ASTN2: variants seen among roughly 807,000 people sequenced by gnomAD.
The protein encoded by ASTN2 is astrotactin 2.
Under a neutral mutation model 139.8 loss-of-function variants are expected in ASTN2, and 54 were observed. The ratio of observed to expected loss-of-function variants is 0.39; its 90% CI spans 0.31 to 0.48. The LOEUF is 0.48. ASTN2 is among the 20% of genes least tolerant of loss of function. The pLI is 0.95. For synonymous variants in ASTN2, 756 were observed against 719.5 expected (o/e 1.05, Z -0.81); for missense variants, 1,565 against 1,725.1 (o/e 0.91, Z 1.64).
In ASTN2 at chr9:116,523,220, G is replaced by A. The variant is rs936255326; in HGVS notation, c.3356-35720C>T. Among the ~76,000 whole-genome samples, 9 of 148,502 alleles carry A rather than the reference G, an allele frequency of 6.1e-5. No individual in the cohort carries two copies. In the East Asian group the frequency reaches 7.9e-4, roughly 13 times the overall value. On this transcript the variant is annotated intron_variant, in intron 19 of 22. Coordinates refer to ENST00000313400, the MANE Select transcript of ASTN2 (RefSeq NM_001365068.1). Reference sequence around the variant, plus strand: ...TCAGAGACCTTTTTTTTTTTTTAACGACAGTTATAAGTGACAGAAGGCAGT... The same window carrying A: ...TCAGAGACCTTTTTTTTTTTTTAACAACAGTTATAAGTGACAGAAGGCAGT...
intron 4 of ASTN2, among the ~76,000 whole-genome samples, chr9:117,131,378 A>G (rs2132838160): frequency 6.6e-6 from 1 of 152,292 alleles, no homozygotes; most frequent in Middle Eastern, 3.4e-3. Context: ...CCGAATTCCA[A>G]CCTGACTCTG....
At position 116,572,924 on chromosome 9, in the gene ASTN2, C is replaced by G. The variant is rs562038648; in HGVS notation, c.3355+45400G>C. On this transcript the variant is annotated intron_variant, in intron 19 of 22. Coordinates refer to ENST00000313400, the MANE Select transcript of ASTN2 (RefSeq NM_001365068.1). The stretch of plus-strand genomic sequence containing the variant: ...AGAGGTACCCAGGACTTGTAATGCC[C>G]CAGGTGCGTGACTCTGACAGCCTCA... 4.6e-5 allele frequency among the ~76,000 whole-genome samples: 7 copies of G among 152,060 alleles called. No individual in the cohort carries two copies. The South Asian group carries it at 1.2e-3, about 27-fold the overall frequency.
intron 5 of ASTN2, among the ~76,000 whole-genome samples, chr9:117,063,542 G>A (rs570982895): frequency 5.3e-5 from 8 of 152,254 alleles, no homozygotes; most frequent in African/African-American, 1.9e-4. Context: ...GGCCTCCCCA[G>A]CCACATGGAA....
chr9:116,962,073 G>A (rs1835889342), intron 10 of ASTN2, among the ~76,000 whole-genome samples: 1 of 152,240 alleles, frequency 6.6e-6, no homozygotes. Flanking sequence ...TAGCACCATA[G>A]CCTGTACCAC....
intron 10 of ASTN2, among the ~76,000 whole-genome samples, chr9:116,915,452 T>G (rs990898920): frequency 6.6e-6 from 1 of 152,108 alleles, no homozygotes; most frequent in African/African-American, 2.4e-5. Flanking sequence ...CATATTTTGT[T>G]TTAATGAGGT....
chr9:116,805,847 T>A (rs1235634535), intron 12 of ASTN2, 27 bp from the exon 13 acceptor site: 2 of 1,605,128 alleles, frequency 1.2e-6, no homozygotes, highest in Non-Finnish European at 1.7e-6. Flanking sequence ...AGCTCAGAAT[T>A]AGCTTCACAT....
At chr9:117,003,954 G>GCGCA (rs1837279984) in intron 7 of ASTN2, among the ~76,000 whole-genome samples, 1 of 96,050 alleles carries the variant, frequency 1.0e-5, no homozygotes, top group African/African-American at 4.7e-5. Flanking sequence ...GCGCGCGCGC[G>GCGCA]TGTGTGTGTG....
chr9:117,379,996 C>T (rs1830224160), intron 1 of ASTN2, among the ~76,000 whole-genome samples: 1 of 151,910 alleles, frequency 6.6e-6, no homozygotes. Flanking sequence ...AGAATCAAGG[C>T]AAGAATCAGG....
chr9:116,613,951 T>C (rs1855694240), intron 19 of ASTN2, among the ~76,000 whole-genome samples: 1 of 152,202 alleles, frequency 6.6e-6, no homozygotes. Context: ...TGTTTGCAGA[T>C]GACATGATTG....
intron 16 of ASTN2, among the ~76,000 whole-genome samples, chr9:116,707,364 T>A: frequency 6.8e-6 from 1 of 146,044 alleles, no homozygotes; most frequent in Non-Finnish European, 1.5e-5. Context: ...AGCCAAGGAG[T>A]TCTTTCAAAG....
At chr9:116,661,433 T>C (rs1742830) in intron 16 of ASTN2, among the ~76,000 whole-genome samples, 95,661 of 151,984 alleles carry the variant, frequency 0.63, 30,965 homozygotes, top group East Asian at 0.87. Flanking sequence ...GAGCATTTGC[T>C]GAGAAGGCCT....
intron 19 of ASTN2, chr9:116,557,687 T>G (rs938597670): frequency 6.6e-6 from 1 of 152,174 alleles, no homozygotes; most frequent in African/African-American, 2.4e-5. Flanking sequence ...ATTTGGAAGA[T>G]CTTCAAAAAA....
Position 116,424,700 on chromosome 9 carries a change from C to T in ASTN2, c.*1151G>A, listed in dbSNP as rs1333936825. On this transcript the variant is annotated 3_prime_UTR_variant, in exon 23 of 23. Coordinates refer to ENST00000313400, the MANE Select transcript of ASTN2 (RefSeq NM_001365068.1). ...TCAAGCAATTCTCATGCCTCAGCCT[C>T]CCAAGTAGCTGGGATTGATTACAGG... Among the ~76,000 whole-genome samples, 1 of 151,780 alleles carries T rather than the reference C, an allele frequency of 6.6e-6. No homozygotes were observed. Among genetic ancestry groups the T allele is most frequent in the Non-Finnish European group, 1.5e-5 (1 of 68,000 alleles).
At chr9:116,568,517 T>C (rs755528795) in intron 19 of ASTN2, 2 of 152,162 alleles carry the variant, frequency 1.3e-5, no homozygotes, top group Non-Finnish European at 2.9e-5. Flanking sequence ...AGCTACGTAA[T>C]GCCAGATAAA....
chr9:117,366,780 C>CT (rs1054980679), intron 1 of ASTN2, among the ~76,000 whole-genome samples: 20 of 149,720 alleles, frequency 1.3e-4, no homozygotes, highest in African/African-American at 2.4e-4. Context: ...TTCATCTTCT[C>CT]TTTTTTTTTT....
chr9:117,115,823 A>G (rs759960111), intron 4 of ASTN2, among the ~76,000 whole-genome samples: 8 of 152,054 alleles, frequency 5.3e-5, no homozygotes, highest in Non-Finnish European at 1.0e-4. Context: ...CAGGAGATCG[A>G]AACTATCCTG....
At chr9:116,615,553 G>T (rs1449575564) in intron 19 of ASTN2, among the ~76,000 whole-genome samples, 2 of 152,088 alleles carry the variant, frequency 1.3e-5, no homozygotes, top group East Asian at 1.9e-4. Flanking sequence ...CCATGAAAAA[G>T]GATGAGTTCA....
chr9:117,391,570 G>A (rs1022075413), intron 1 of ASTN2, among the ~76,000 whole-genome samples: 5 of 152,106 alleles, frequency 3.3e-5, no homozygotes, highest in South Asian at 4.1e-4. Flanking sequence ...CTCACAACAC[G>A]TGGGAATTAT....
chr9:117,324,700 A>C (rs1828454901), intron 1 of ASTN2, among the ~76,000 whole-genome samples: 1 of 152,140 alleles, frequency 6.6e-6, no homozygotes, highest in African/African-American at 2.4e-5. Context: ...ATCCCAGTAC[A>C]TAGATTTGGG....
Sources: gnomAD v4.1 joint callset for allele counts (sites outside exome capture counted in the v4.1 genomes callset) on GRCh38, gnomAD v4.1.1 for gene constraint, MANE v1.5 for transcripts, NCBI Gene and HGNC (gene_info 2026-07-23, HGNC 2026-07-21) for gene names.